Variants in ZFAT observed in about 807,000 individuals in gnomAD.
The protein encoded by ZFAT is zinc finger and AT-hook domain containing.
In ZFAT, 64 loss-of-function variants were observed where a neutral mutation model predicts 117.7. The ratio of observed to expected loss-of-function variants is 0.54; its 90% CI spans 0.44 to 0.67. The LOEUF (loss-of-function observed/expected upper bound fraction) is 0.67, where lower values mean the gene tolerates loss of function less well. ZFAT is among the 30% of genes least tolerant of loss of function. ZFAT has a pLI of 0.00. For missense variants in ZFAT, 1,433 were observed against 1,584.5 expected, an observed-to-expected ratio of 0.90 and a Z score of 1.62; for synonymous variants, 679 against 615.0, an observed-to-expected ratio of 1.10 and a Z score of -1.54.
chr8:134,530,679 A>G (rs1821339608), intron 12 of ZFAT, among the ~76,000 whole-genome samples: 1 of 152,150 alleles, frequency 6.6e-6, no homozygotes. Flanking sequence ...TGCTACATCT[A>G]TATATATATG....
upstream of ZFAT, among the ~76,000 whole-genome samples, chr8:134,715,018 A>G (rs1002013601): frequency 1.3e-5 from 2 of 152,208 alleles, no homozygotes; most frequent in African/African-American, 4.8e-5. Flanking sequence ...TCCTTTTAGA[A>G]CTATAAATAT....
intron 1 of ZFAT, among the ~76,000 whole-genome samples, chr8:134,696,042 C>T (rs1833822861): frequency 6.6e-6 from 1 of 151,916 alleles, no homozygotes; most frequent in South Asian, 2.1e-4. Flanking sequence ...CAAGGAGGCA[C>T]CATCCCCAGG....
At chr8:134,525,411 T>C (rs1820952826) in intron 12 of ZFAT, among the ~76,000 whole-genome samples, 2 of 152,222 alleles carry the variant, frequency 1.3e-5, no homozygotes, top group Admixed American at 1.3e-4. Context: ...CTCAGGCTGC[T>C]ATGTTTATGT....
At chr8:134,817,232 C>T in the ZFAT span, among the ~76,000 whole-genome samples, 1 of 152,034 alleles carries the variant, frequency 6.6e-6, no homozygotes, top group East Asian at 1.9e-4. Context: ...GCCTTCAGAG[C>T]AAAACCAGAT....
chr8:134,689,933 T>C (rs1833512436), intron 1 of ZFAT, among the ~76,000 whole-genome samples: 1 of 152,206 alleles, frequency 6.6e-6, no homozygotes, highest in Non-Finnish European at 1.5e-5. Flanking sequence ...CATATTAAAA[T>C]AAAATAATCA....
chr8:134,677,994 T>C (rs201743308), intron 1 of ZFAT, among the ~76,000 whole-genome samples: 2 of 152,288 alleles, frequency 1.3e-5, no homozygotes, highest in African/African-American at 2.4e-5. Context: ...CAATATCGTA[T>C]TGAATGGGCA....
intron 2 of ZFAT, among the ~76,000 whole-genome samples, chr8:134,640,342 G>C (rs146172499): frequency 6.6e-6 from 1 of 152,184 alleles, no homozygotes; most frequent in African/African-American, 2.4e-5. Flanking sequence ...AGACTTGGTC[G>C]TCTTGCGGAG....
intron 11 of ZFAT, among the ~76,000 whole-genome samples, chr8:134,538,967 G>A (rs1822048540): frequency 6.6e-6 from 1 of 152,138 alleles, no homozygotes; most frequent in African/African-American, 2.4e-5. Context: ...ATGGGTGACA[G>A]AGTGAGACCC....
rs1293054080 is a variant in ZFAT at position 134,658,336 on chromosome 8, C to A, written c.20-599G>T. Among the ~76,000 whole-genome samples the A allele has an allele frequency of 2.0e-4, 4 of 19,902 alleles. 1 individual carries two copies. The highest frequency in any genetic ancestry group is 3.7e-4 in the Non-Finnish European group (4 of 10,926). 13.1% of individuals were successfully genotyped at this position (19,902 alleles called of 152,430 possible). ...TGGGCGACAGAGCGAGATTCTGTCT[C>A]CAAAAAAAAAAAAATTTGCAACTTA... On this transcript the variant is annotated intron_variant, in intron 1 of 15. Transcript: ENST00000377838.
At chr8:134,780,541 T>C in the ZFAT span, among the ~76,000 whole-genome samples, 1 of 152,248 alleles carries the variant, frequency 6.6e-6, no homozygotes, top group East Asian at 1.9e-4. Context: ...GATCCTAGTT[T>C]TCTTATTGTT....
intron 11 of ZFAT, among the ~76,000 whole-genome samples, chr8:134,555,969 A>C (rs1265046776): frequency 8.4e-6 from 1 of 118,462 alleles, no homozygotes; most frequent in Non-Finnish European, 1.7e-5. Flanking sequence ...GGAGGGAAGG[A>C]GGGAGGGAGG....
the ZFAT span, among the ~76,000 whole-genome samples, chr8:134,753,380 A>T: frequency 6.6e-6 from 1 of 152,220 alleles, no homozygotes; most frequent in Non-Finnish European, 1.5e-5. Context: ...TACCAAAAAA[A>T]GGTGAATTAT....
At position 134,586,197 on chromosome 8, in the gene ZFAT, G is replaced by A. The variant is rs117861792; in HGVS notation, c.2713+2049C>T. ...AGATGCCAGGATACAGCAGCCTTTCGCTTTCTGAATCTTTATCAATTCTGA... is the reference window on the plus strand; with the variant it reads ...AGATGCCAGGATACAGCAGCCTTTCACTTTCTGAATCTTTATCAATTCTGA... On this transcript the variant is annotated intron_variant, in intron 9 of 15. Transcript: ENST00000377838. Among the ~76,000 whole-genome samples, 152 of 152,250 alleles carry A rather than the reference G, an allele frequency of 1.0e-3. 3 individuals are homozygous for A. In the East Asian group the frequency reaches 0.024, roughly 25 times the overall value.
At position 134,600,562 on chromosome 8, in the gene ZFAT, G is replaced by A; in HGVS notation, c.2349C>T (p.Asn783=). ...TCTGAATTACGTGGCGTTTAAGGCA[G>A]TTTTTGGTGATGGAAGAATAATGAC... ...SQCHYSSITK[N]CLKRHVIQKH... is the part of the protein sequence containing the mutation. The change falls in exon 7 of 16, where the codon AAC becomes AAT. Residue 783 remains asparagine (N), a synonymous_variant. Transcript: ENST00000377838. 1 of 1,614,092 alleles carries A rather than the reference G, an allele frequency of 6.2e-7. No homozygotes were observed. The highest frequency in any genetic ancestry group is 8.5e-7 in the Non-Finnish European group (1 of 1,180,026).
At chr8:134,617,734 G>A (rs1318726916) in intron 3 of ZFAT, among the ~76,000 whole-genome samples, 2 of 152,184 alleles carry the variant, frequency 1.3e-5, no homozygotes, top group South Asian at 2.1e-4. Flanking sequence ...AATAAGCTGC[G>A]CTGCCCAACC....
chr8:134,680,087 A>G (rs898881764), intron 1 of ZFAT, among the ~76,000 whole-genome samples: 1 of 151,348 alleles, frequency 6.6e-6, no homozygotes, highest in Admixed American at 6.6e-5. Context: ...AACTTAAAGT[A>G]TAATTAAAAA....
At chr8:134,613,459 G>A (rs146633336) in intron 3 of ZFAT, among the ~76,000 whole-genome samples, 151 of 152,354 alleles carry the variant, frequency 9.9e-4, no homozygotes, top group Middle Eastern at 6.8e-3. Flanking sequence ...CGTTTTAAAA[G>A]CCAATGGAGA....
chr8:134,478,550 C>A lies in ZFAT; in HGVS notation c.3664G>T (p.Val1222Phe). The change falls in exon 16 of 16, where the codon GTC becomes TTC. Residue 1222 changes from valine to phenylalanine, a missense_variant. By Grantham distance (50) the Val-to-Phe change is conservative. Coordinates refer to ENST00000377838, the MANE Select transcript of ZFAT (RefSeq NM_020863.4). The surrounding 1 kb of genome is among the most constrained non-coding windows in gnomAD (Gnocchi z 5.2). ...GGCTGCATGGCCTCCTGCACGTAGACGATGAACTCCGAGGCCTCCCCGCCC... is the reference window on the plus strand; with the variant it reads ...GGCTGCATGGCCTCCTGCACGTAGAAGATGAACTCCGAGGCCTCCCCGCCC... ...TQGGEASEFI[V>F]YVQEAMQPVE... 6.3e-7 allele frequency: 1 copy of A among 1,594,214 alleles called. No individual in the cohort carries two copies.
chr8:134,682,467 G>C (rs1833115567), intron 1 of ZFAT, among the ~76,000 whole-genome samples: 2 of 151,958 alleles, frequency 1.3e-5, no homozygotes, highest in South Asian at 4.2e-4. Context: ...ACCACCTAAG[G>C]GACATGGCGA....
Sources: allele counts gnomAD v4.1 joint callset (sites outside exome capture counted in the v4.1 genomes callset), GRCh38; gene constraint gnomAD v4.1.1; non-coding constraint Gnocchi (gnomAD v3.1); transcripts MANE v1.5; gene names NCBI Gene and HGNC (gene_info 2026-07-23, HGNC 2026-07-21).